SYNJ2BP: variants seen among roughly 807,000 people sequenced by gnomAD.
SYNJ2BP encodes the protein synaptojanin-2-binding protein.
SYNJ2BP carries 10 observed loss-of-function variants against 16.9 expected under a neutral mutation model. The observed-to-expected ratio is 0.59, with a 90% CI of 0.36 to 1.00. The LOEUF is 1.00. Among genes scored for constraint, SYNJ2BP ranks in the 50% least tolerant of loss-of-function variants. The probability of loss-of-function intolerance (pLI) is 0.01; values close to 1 mark genes in which losing one functional copy is unlikely to be tolerated. For missense variants in SYNJ2BP, 162 were observed against 186.7 expected, an observed-to-expected ratio of 0.87 and a Z score of 0.77; for synonymous variants, 54 against 68.4, an observed-to-expected ratio of 0.79 and a Z score of 1.04.
intron 1 of SYNJ2BP, among the ~76,000 whole-genome samples, chr14:70,412,127 C>T (rs894140534): frequency 6.6e-6 from 1 of 152,084 alleles, no homozygotes; most frequent in Admixed American, 6.5e-5. Context: ...CCTTGATATG[C>T]CCTCAGCTCT....
chr14:70,396,116 C>G (rs1426837222), intron 1 of SYNJ2BP, among the ~76,000 whole-genome samples: 1 of 151,956 alleles, frequency 6.6e-6, no homozygotes, highest in Non-Finnish European at 1.5e-5. Flanking sequence ...TTCCTTCCTG[C>G]AATTCTTTTT....
In SYNJ2BP at chr14:70,417,034, G is replaced by T. The variant is rs180817918; in HGVS notation, c.-71C>A. ...GCACAGGTGAAGGTGAATCAATCTC[G>T]GCGCTGCGCCCACAGCACAGCGGTT... is the stretch of plus-strand genomic sequence containing the variant. On this transcript the variant is annotated 5_prime_UTR_variant, in exon 1 of 4. Coordinates refer to ENST00000256366, the MANE Select transcript of SYNJ2BP (RefSeq NM_018373.3). The T allele has an allele frequency of 1.7e-5, 28 of 1,610,978 alleles. No homozygotes were observed. Among genetic ancestry groups the T allele is most frequent in the East Asian group, 1.6e-4 (7 of 44,746 alleles).
intron 3 of SYNJ2BP, among the ~76,000 whole-genome samples, chr14:70,375,118 C>G (rs1457678194): frequency 6.6e-6 from 1 of 150,752 alleles, no homozygotes; most frequent in Non-Finnish European, 1.5e-5. Context: ...GGTTGTCAAG[C>G]TTTATCTTTA....
At chr14:70,387,056 A>G (rs1887875403) in intron 2 of SYNJ2BP, among the ~76,000 whole-genome samples, 1 of 152,184 alleles carries the variant, frequency 6.6e-6, no homozygotes, top group African/African-American at 2.4e-5. Flanking sequence ...TGGAGAGGAT[A>G]GGGCTCCGAA....
chr14:70,406,567 C>A (rs1030483419), intron 1 of SYNJ2BP, among the ~76,000 whole-genome samples: 2 of 152,212 alleles, frequency 1.3e-5, no homozygotes, highest in Admixed American at 1.3e-4. Flanking sequence ...AGATTCTGAA[C>A]TTCCCCGAAT....
intron 2 of SYNJ2BP, among the ~76,000 whole-genome samples, chr14:70,385,362 T>G (rs996747350): frequency 6.6e-6 from 1 of 152,064 alleles, no homozygotes. Context: ...TTTATTTTAT[T>G]TTATTTTATT....
chr14:70,395,840 T>A (rs1419496692), intron 1 of SYNJ2BP, among the ~76,000 whole-genome samples: 2 of 152,218 alleles, frequency 1.3e-5, no homozygotes, highest in Non-Finnish European at 2.9e-5. Flanking sequence ...CTGTCTATAT[T>A]AATTTGTGTA....
intron 1 of SYNJ2BP, among the ~76,000 whole-genome samples, chr14:70,392,679 C>G (rs560187396): frequency 6.6e-6 from 1 of 152,184 alleles, no homozygotes; most frequent in Non-Finnish European, 1.5e-5. Flanking sequence ...TAAAATTCCA[C>G]CCATCTATAA....
intron 1 of SYNJ2BP, among the ~76,000 whole-genome samples, chr14:70,415,156 A>C (rs543323289): frequency 2.9e-5 from 4 of 138,638 alleles, no homozygotes; most frequent in African/African-American, 1.1e-4. Flanking sequence ...CTGGGCAACA[A>C]AGTGAGACCT....
At chr14:70,375,204 T>C (rs1887600863) in intron 3 of SYNJ2BP, among the ~76,000 whole-genome samples, 1 of 121,648 alleles carries the variant, frequency 8.2e-6, no homozygotes, top group Admixed American at 7.7e-5. Context: ...TCTCTTTTTT[T>C]CTTTTTTTTT....
At chr14:70,388,377 A>T (rs1376945699) in intron 2 of SYNJ2BP, 93 bp downstream of exon 2, 1 of 1,391,012 alleles carries the variant, frequency 7.2e-7, no homozygotes, top group Admixed American at 2.9e-5. Context: ...ATATTTCCAG[A>T]TCCAAATCTT....
chr14:70,380,746 T>C (rs1050159136), intron 2 of SYNJ2BP, among the ~76,000 whole-genome samples: 1 of 152,064 alleles, frequency 6.6e-6, no homozygotes, highest in Non-Finnish European at 1.5e-5. Context: ...AGAAGTAGCA[T>C]TAAAATTAAA....
chr14:70,375,106 T>C (rs1434091941), intron 3 of SYNJ2BP, among the ~76,000 whole-genome samples: 1 of 151,614 alleles, frequency 6.6e-6, no homozygotes, highest in Non-Finnish European at 1.5e-5. Context: ...CTGTTTTAAT[T>C]TGGTTGTCAA....
intron 1 of SYNJ2BP, among the ~76,000 whole-genome samples, chr14:70,392,312 A>G (rs1887995987): frequency 6.6e-6 from 1 of 152,232 alleles, no homozygotes; most frequent in African/African-American, 2.4e-5. Flanking sequence ...TCCCTTTTAG[A>G]TATTGTAGAA....
rs1887512956 is a variant in SYNJ2BP at position 70,371,277 on chromosome 14, C to G, written c.*1714G>C. The G allele has an allele frequency of 6.6e-6, 1 of 152,194 alleles. No homozygotes were observed. Among genetic ancestry groups the G allele is most frequent in the Non-Finnish European group, 1.5e-5 (1 of 68,040 alleles). 9.4% of individuals were successfully genotyped at this position (152,194 alleles called of 1,614,324 possible). On this transcript the variant is annotated 3_prime_UTR_variant, in exon 4 of 4. Coordinates refer to ENST00000256366, the MANE Select transcript of SYNJ2BP (RefSeq NM_018373.3). ...ATAGTATCCATTCATTCATATCCTC[C>G]TCCTAGGCCGCATGAAACACCTACC...
chr14:70,412,801 C>T (rs748514765), intron 1 of SYNJ2BP, among the ~76,000 whole-genome samples: 1 of 151,984 alleles, frequency 6.6e-6, no homozygotes, highest in Non-Finnish European at 1.5e-5. Context: ...ATTGAGGACT[C>T]GGACCTAAAA....
intron 2 of SYNJ2BP, among the ~76,000 whole-genome samples, 177 bp from the exon 3 acceptor site, chr14:70,375,948 T>C (rs1887620895): frequency 6.6e-6 from 1 of 152,226 alleles, no homozygotes; most frequent in South Asian, 2.1e-4. Flanking sequence ...TTCAAAACTA[T>C]GTTTTCCTAG....
chr14:70,395,798 C>T (rs79329728), intron 1 of SYNJ2BP, among the ~76,000 whole-genome samples: 2,729 of 152,200 alleles, frequency 0.018, 97 homozygotes, highest in African/African-American at 0.064. Flanking sequence ...ATTCTCCCCT[C>T]CCCCAAACTC....
intron 1 of SYNJ2BP, among the ~76,000 whole-genome samples, chr14:70,400,753 G>C (rs1164527266): frequency 6.6e-6 from 1 of 152,154 alleles, no homozygotes; most frequent in South Asian, 2.1e-4. Context: ...TCTATCCTCA[G>C]TAGTCTCAAT....
Sources: gnomAD v4.1 joint callset for allele counts (sites outside exome capture counted in the v4.1 genomes callset) on GRCh38, gnomAD v4.1.1 for gene constraint, MANE v1.5 for transcripts, NCBI Gene and HGNC (gene_info 2026-07-23, HGNC 2026-07-21) for gene names.